ACCSL: variants seen among roughly 807,000 people sequenced by gnomAD.
ACCSL encodes the protein probable inactive 1-aminocyclopropane-1-carboxylate synthase-like protein 2.
ACCSL carries 55 observed loss-of-function variants against 61.7 expected under a neutral mutation model. The observed-to-expected ratio is 0.89, with a 90% CI of 0.72 to 1.12. The LOEUF is 1.12. Ranked by LOEUF, ACCSL falls within the 50% of genes most tolerant of loss-of-function variation. The pLI, the probability that ACCSL is intolerant of heterozygous loss-of-function variation, is 0.00. For synonymous variants in ACCSL, 258 were observed against 264.3 expected, an observed-to-expected ratio of 0.98 and a Z score of 0.23; for missense variants, 632 against 698.0, an observed-to-expected ratio of 0.91 and a Z score of 1.07.
the ACCSL span, among the ~76,000 whole-genome samples, chr11:43,991,126 A>G: frequency 2.0e-5 from 3 of 152,036 alleles, no homozygotes; most frequent in African/African-American, 4.8e-5. Context: ...AGTCAGAGAG[A>G]TTCATTCATT....
the ACCSL span, among the ~76,000 whole-genome samples, chr11:43,930,221 C>T: frequency 6.6e-6 from 1 of 152,194 alleles, no homozygotes; most frequent in Admixed American, 6.5e-5. Context: ...AGAAACCTGG[C>T]CTGTGTCCTG....
Position 44,051,420 on chromosome 11 carries a change from A to G in ACCSL, c.705+16A>G, listed in dbSNP as rs1952638259. ...CCCAGAAAATGTGAGTCAGTTTCCCAGCCTTGCTGCCACCCTGGTGGAGGG... is the reference window on the plus strand; with the variant it reads ...CCCAGAAAATGTGAGTCAGTTTCCCGGCCTTGCTGCCACCCTGGTGGAGGG... On this transcript the variant is annotated intron_variant, in intron 4 of 13. Transcript: ENST00000378832. The G allele has an allele frequency of 1.9e-6, 3 of 1,614,026 alleles. No individual in the cohort carries two copies. Among genetic ancestry groups the G allele is most frequent in the Non-Finnish European group, 2.5e-6 (3 of 1,179,936 alleles).
chr11:43,976,907 T>G, the ACCSL span, among the ~76,000 whole-genome samples: 1 of 152,188 alleles, frequency 6.6e-6, no homozygotes, highest in South Asian at 2.1e-4. Context: ...ATATCTTGTA[T>G]GAGTGAGTAG....
chr11:44,048,564 G>A (rs768740007), intron 1 of ACCSL, 24 bp downstream of exon 1: 12 of 188,706 alleles, frequency 6.4e-5, no homozygotes, highest in Non-Finnish European at 1.0e-4. Context: ...GTGGGGGGTG[G>A]GCAGCATCCT....
chr11:43,976,487 A>T, the ACCSL span, among the ~76,000 whole-genome samples: 1 of 152,226 alleles, frequency 6.6e-6, no homozygotes, highest in African/African-American at 2.4e-5. Flanking sequence ...TGTTAAGGTA[A>T]TGAGAGCTGG....
intron 11 of ACCSL, among the ~76,000 whole-genome samples, chr11:44,057,990 T>C (rs1260830509): frequency 2.0e-5 from 3 of 152,174 alleles, no homozygotes; most frequent in East Asian, 1.9e-4. Context: ...CTGGCCAACA[T>C]GGTGAAACCC....
At chr11:43,939,688 C>A in the ACCSL span, among the ~76,000 whole-genome samples, 2 of 152,228 alleles carry the variant, frequency 1.3e-5, no homozygotes, top group Non-Finnish European at 2.9e-5. Flanking sequence ...TGGTTCACTG[C>A]CACCTCTGCC....
the ACCSL span, among the ~76,000 whole-genome samples, chr11:44,036,175 C>A: frequency 6.6e-6 from 1 of 152,172 alleles, no homozygotes; most frequent in African/African-American, 2.4e-5. Context: ...GCCATTAGGA[C>A]CCCGACATGG....
rs998874556 is a variant in ACCSL, at chr11:44,059,974, T to A, written c.*54T>A. 5 of 1,537,882 alleles carry A rather than the reference T, an allele frequency of 3.3e-6. No individual in the cohort carries two copies. In the Admixed American group the frequency reaches 6.7e-5, roughly 21 times the overall value. On this transcript the variant is annotated 3_prime_UTR_variant, in exon 14 of 14. Coordinates refer to ENST00000378832, the MANE Select transcript of ACCSL (RefSeq NM_001031854.2). ...GCCCATCACTTGCTCAGGGACCCCCTAATGTCAGCCTCTGGCCCAGAAGGC... is the reference window on the plus strand; with the variant it reads ...GCCCATCACTTGCTCAGGGACCCCCAAATGTCAGCCTCTGGCCCAGAAGGC...
chr11:44,004,687 A>G, the ACCSL span, among the ~76,000 whole-genome samples: 9 of 152,148 alleles, frequency 5.9e-5, no homozygotes, highest in Non-Finnish European at 8.8e-5. Flanking sequence ...TTTCCCTTCC[A>G]TCTGCCCGCC....
chr11:43,999,700 T>C, the ACCSL span, among the ~76,000 whole-genome samples: 1 of 152,126 alleles, frequency 6.6e-6, no homozygotes, highest in African/African-American at 2.4e-5. Context: ...GGGAGAGGAT[T>C]ATACAAGAGA....
chr11:44,055,119 C>T (rs1170354245), intron 8 of ACCSL, 83 bp from the exon 9 acceptor site: 11 of 978,000 alleles, frequency 1.1e-5, no homozygotes, highest in Non-Finnish European at 1.7e-5. Flanking sequence ...CTTAAGATTA[C>T]AAAGATGCTT....
the ACCSL span, chr11:43,943,425 A>C: frequency 6.9e-7 from 1 of 1,443,086 alleles, no homozygotes; most frequent in Non-Finnish European, 9.2e-7. The surrounding 1 kb of genome is among the most constrained non-coding windows in gnomAD (Gnocchi z 4.8). Context: ...CCCGCTGCGA[A>C]CCGGTCGGTG....
At chr11:44,016,828 G>A in the ACCSL span, among the ~76,000 whole-genome samples, 1 of 152,174 alleles carries the variant, frequency 6.6e-6, no homozygotes, top group Non-Finnish European at 1.5e-5. Flanking sequence ...TGGACATGGT[G>A]TCAGAGGTCC....
chr11:43,965,085 G>A, the ACCSL span, among the ~76,000 whole-genome samples: 2 of 152,168 alleles, frequency 1.3e-5, no homozygotes, highest in Non-Finnish European at 2.9e-5. Context: ...GGAAGTTCTA[G>A]CCAGAGCAAT....
chr11:44,021,236 G>A, the ACCSL span, among the ~76,000 whole-genome samples: 1 of 152,232 alleles, frequency 6.6e-6, no homozygotes, highest in African/African-American at 2.4e-5. Flanking sequence ...ATTCCCACCA[G>A]CAGTGTAATA....
chr11:44,023,809 T>C, the ACCSL span, among the ~76,000 whole-genome samples: 1 of 152,228 alleles, frequency 6.6e-6, no homozygotes, highest in African/African-American at 2.4e-5. Context: ...CTCTAAGTAC[T>C]AATTTAGTGG....
chr11:44,051,631 G>A (rs866578803), intron 4 of ACCSL, 22 bp from the exon 5 acceptor site: 36 of 1,614,102 alleles, frequency 2.2e-5, no homozygotes, highest in Middle Eastern at 3.3e-4. Flanking sequence ...TTTGACTTCT[G>A]CCTCTCATGT....
At chr11:43,934,360 A>AG in the ACCSL span, among the ~76,000 whole-genome samples, 119 of 152,260 alleles carry the variant, frequency 7.8e-4, no homozygotes, top group Non-Finnish European at 1.6e-3. Flanking sequence ...GGGCCGGGAC[A>AG]GGGGGCAGGA....
Sources: gnomAD v4.1 joint callset for allele counts (sites outside exome capture counted in the v4.1 genomes callset) on GRCh38, gnomAD v4.1.1 for gene constraint, Gnocchi (gnomAD v3.1) non-coding constraint, MANE v1.5 for transcripts, NCBI Gene and HGNC (gene_info 2026-07-23, HGNC 2026-07-21) for gene names.